ENTREP2: variants seen among roughly 807,000 people sequenced by gnomAD.
ENTREP2 encodes the protein endosomal transmembrane epsin interactor 2, also known as protein ENTREP2.
the ENTREP2 span, among the ~76,000 whole-genome samples, chr15:29,202,160 T>C: frequency 5.1e-3 from 777 of 152,250 alleles, 9 homozygotes; most frequent in African/African-American, 0.017. Flanking sequence ...GTCTTCTAAC[T>C]TTTTTTCTTG....
chr15:29,442,689 C>T, the ENTREP2 span, among the ~76,000 whole-genome samples: 1 of 152,202 alleles, frequency 6.6e-6, no homozygotes, highest in African/African-American at 2.4e-5. Context: ...GATTGGAGGG[C>T]ACATCAATAA....
chr15:29,651,635 C>T, the ENTREP2 span, among the ~76,000 whole-genome samples: 2 of 152,350 alleles, frequency 1.3e-5, no homozygotes, highest in South Asian at 2.1e-4. Flanking sequence ...CTGGCCTCTT[C>T]CCAGCTCAGC....
chr15:29,455,707 C>G, the ENTREP2 span, among the ~76,000 whole-genome samples: 6 of 152,156 alleles, frequency 3.9e-5, no homozygotes, highest in Non-Finnish European at 7.3e-5. Flanking sequence ...GGAATCAGGC[C>G]GCACTGCAGG....
At chr15:29,372,911 T>C in the ENTREP2 span, among the ~76,000 whole-genome samples, 12,944 of 152,096 alleles carry the variant, frequency 0.085, 623 homozygotes, top group Middle Eastern at 0.11. Context: ...TGGTCATCCG[T>C]TAGGAAAAGA....
At chr15:29,387,124 T>C in the ENTREP2 span, among the ~76,000 whole-genome samples, 1 of 152,210 alleles carries the variant, frequency 6.6e-6, no homozygotes, top group African/African-American at 2.4e-5. Context: ...AGTATGATAT[T>C]GGCTGTGGGT....
chr15:29,269,485 G>A, the ENTREP2 span: 2 of 1,610,738 alleles, frequency 1.2e-6, no homozygotes, highest in Middle Eastern at 1.7e-4. Flanking sequence ...CACGGCGGGG[G>A]CGGCCTGGGC....
At chr15:29,391,714 G>C in the ENTREP2 span, among the ~76,000 whole-genome samples, 4 of 152,170 alleles carry the variant, frequency 2.6e-5, no homozygotes, top group African/African-American at 7.2e-5. Flanking sequence ...TTGTTACTTA[G>C]TGGGTTATTA....
the ENTREP2 span, among the ~76,000 whole-genome samples, chr15:29,236,722 G>C: frequency 6.6e-6 from 1 of 152,154 alleles, no homozygotes; most frequent in Non-Finnish European, 1.5e-5. Context: ...TCCAGGCCTA[G>C]ATAGTTTCAC....
At chr15:29,169,813 A>G in the ENTREP2 span, among the ~76,000 whole-genome samples, 1 of 152,176 alleles carries the variant, frequency 6.6e-6, no homozygotes. Flanking sequence ...CTGGAAGGAG[A>G]TGGGGATTGC....
the ENTREP2 span, among the ~76,000 whole-genome samples, chr15:29,600,902 C>CCTTTTTTTT: frequency 5.7e-5 from 7 of 123,612 alleles, no homozygotes; most frequent in African/African-American, 2.5e-4. Flanking sequence ...ATTTTTCTTT[C>CCTTTTTTTT]TTTTTTTTTT....
At chr15:29,223,365 T>C in the ENTREP2 span, among the ~76,000 whole-genome samples, 81 of 152,272 alleles carry the variant, frequency 5.3e-4, no homozygotes, top group African/African-American at 1.9e-3. Flanking sequence ...CCTCTGGGAT[T>C]CTGTTTCTTC....
chr15:29,227,370 T>C, the ENTREP2 span, among the ~76,000 whole-genome samples: 6 of 152,286 alleles, frequency 3.9e-5, no homozygotes, highest in Admixed American at 6.5e-5. Context: ...TGGGGATCTG[T>C]GCCCTGTGTT....
the ENTREP2 span, among the ~76,000 whole-genome samples, chr15:29,654,960 C>T: frequency 8.4e-3 from 1,285 of 152,222 alleles, 14 homozygotes; most frequent in African/African-American, 0.029. Context: ...AGGAGGGGTA[C>T]TTTGTATCTA....
chr15:29,395,400 A>G, the ENTREP2 span, among the ~76,000 whole-genome samples: 1 of 152,150 alleles, frequency 6.6e-6, no homozygotes, highest in Non-Finnish European at 1.5e-5. Flanking sequence ...TCTATTTGTA[A>G]TAATACAGAG....
the ENTREP2 span, chr15:29,121,055 AG>A: frequency 6.6e-6 from 1 of 152,300 alleles, no homozygotes; most frequent in African/African-American, 2.4e-5. Flanking sequence ...CTCATTTCGA[AG>A]GGGCAGAAGG....
the ENTREP2 span, among the ~76,000 whole-genome samples, chr15:29,386,607 C>T: frequency 6.6e-6 from 1 of 152,112 alleles, no homozygotes; most frequent in Non-Finnish European, 1.5e-5. Flanking sequence ...TATGTGACCC[C>T]CCAATTGGAG....
At chr15:29,328,939 C>T in the ENTREP2 span, among the ~76,000 whole-genome samples, 1 of 152,096 alleles carries the variant, frequency 6.6e-6, no homozygotes, top group East Asian at 1.9e-4. Context: ...TTCTAATACC[C>T]CTGTAGGTGC....
At chr15:29,624,774 C>T in the ENTREP2 span, among the ~76,000 whole-genome samples, 313 of 152,220 alleles carry the variant, frequency 2.1e-3, 6 homozygotes, top group East Asian at 0.055. Flanking sequence ...TCTTTTATAA[C>T]TCTATTGCAA....
the ENTREP2 span, among the ~76,000 whole-genome samples, chr15:29,562,678 C>A: frequency 6.6e-6 from 1 of 152,138 alleles, no homozygotes; most frequent in Non-Finnish European, 1.5e-5. Flanking sequence ...TATGAGCATT[C>A]CAGTGTACTA....
Sources: allele counts gnomAD v4.1 joint callset (sites outside exome capture counted in the v4.1 genomes callset), GRCh38; gene constraint gnomAD v4.1.1; transcripts MANE v1.5; gene names NCBI Gene and HGNC (gene_info 2026-07-23, HGNC 2026-07-21).